The following FANCC variants were observed in gnomAD, a reference collection of about 807,000 sequenced individuals.
FANCC encodes FA complementation group C, also known as Fanconi anemia group C protein.
FANCC carries 55 observed loss-of-function variants against 71.3 expected under a neutral mutation model. The ratio of observed to expected loss-of-function variants is 0.77; its 90% CI spans 0.62 to 0.97. The LOEUF (loss-of-function observed/expected upper bound fraction) is 0.97, where lower values mean the gene tolerates loss of function less well. FANCC is among the 50% of genes least tolerant of loss of function. The pLI, the probability that FANCC is intolerant of heterozygous loss-of-function variation, is 0.00. For synonymous variants in FANCC, 275 were observed against 244.9 expected, an observed-to-expected ratio of 1.12 and a Z score of -1.15; for missense variants, 678 against 670.9, an observed-to-expected ratio of 1.01 and a Z score of -0.12.
chr9:95,194,437 A>C (rs1347935954), intron 4 of FANCC, among the ~76,000 whole-genome samples: 1 of 152,198 alleles, frequency 6.6e-6, no homozygotes, highest in African/African-American at 2.4e-5. Context: ...CCTTGGGTAC[A>C]AAACTATCCA....
intron 6 of FANCC, among the ~76,000 whole-genome samples, chr9:95,155,271 A>AAGGGGAGGGGAGGG (rs1830397830): frequency 2.0e-4 from 5 of 24,694 alleles, no homozygotes; most frequent in African/African-American, 5.5e-4. Flanking sequence ...GGAGGGGAGG[A>AAGGGGAGGGGAGGG]AAGGGGAGGG....
chr9:95,186,343 T>C (rs747036773), intron 4 of FANCC, among the ~76,000 whole-genome samples: 31 of 152,256 alleles, frequency 2.0e-4, no homozygotes, highest in Non-Finnish European at 3.7e-4. Flanking sequence ...GACCTGTGCA[T>C]TCCCGCCTTC....
intron 3 of FANCC, among the ~76,000 whole-genome samples, chr9:95,242,084 T>G (rs1830664417): frequency 6.6e-6 from 1 of 152,242 alleles, no homozygotes; most frequent in African/African-American, 2.4e-5. Flanking sequence ...AACCCATTTT[T>G]TTCCCTGTGA....
At chr9:95,243,008 A>G (rs1008404499) in intron 3 of FANCC, among the ~76,000 whole-genome samples, 4 of 152,370 alleles carry the variant, frequency 2.6e-5, no homozygotes, top group Non-Finnish European at 5.9e-5. Flanking sequence ...AAGGAAGATA[A>G]CAACATACAC....
chr9:95,217,557 A>T (rs356688), intron 4 of FANCC, among the ~76,000 whole-genome samples: 28,032 of 151,742 alleles, frequency 0.18, 2,746 homozygotes, highest in East Asian at 0.3. Context: ...AAATTAGTAA[A>T]TTTTTTTTAA....
intron 1 of FANCC, chr9:95,292,551 G>A (rs1834104299): frequency 3.4e-6 from 5 of 1,485,280 alleles, no homozygotes; most frequent in Non-Finnish European, 3.7e-6. Flanking sequence ...CCAGCAGTAG[G>A]TGAGCGAGCT....
chr9:95,246,148 G>A (rs114584225), intron 3 of FANCC, among the ~76,000 whole-genome samples: 179 of 152,316 alleles, frequency 1.2e-3, no homozygotes, highest in African/African-American at 3.9e-3. Flanking sequence ...ACAGGTAAGC[G>A]TGGTCCTGGT....
At chr9:95,153,459 C>T (rs1830292303) in intron 6 of FANCC, among the ~76,000 whole-genome samples, 1 of 152,100 alleles carries the variant, frequency 6.6e-6, no homozygotes, top group Admixed American at 6.5e-5. Flanking sequence ...ATTTATATTC[C>T]CACCAGCAGG....
At position 95,164,775 on chromosome 9, in the gene FANCC, G is replaced by A. The variant is rs1189593533; in HGVS notation, c.521+6304C>T. Among the ~76,000 whole-genome samples the A allele has an allele frequency of 5.3e-5, 8 of 152,144 alleles. No individual in the cohort carries two copies. In the South Asian group the frequency reaches 6.2e-4, roughly 12 times the overall value. On this transcript the variant is annotated intron_variant, in intron 6 of 14. Transcript: ENST00000289081. ...CATGTAGTTTCATTGCCTGATTTTCGTGTCAGGGTAATGCTTGCTCACAAA... is the reference window on the plus strand; with the variant it reads ...CATGTAGTTTCATTGCCTGATTTTCATGTCAGGGTAATGCTTGCTCACAAA...
At chr9:95,247,252 T>TAC (rs1831044007) in intron 3 of FANCC, among the ~76,000 whole-genome samples, 180 bp downstream of exon 3, 1 of 151,198 alleles carries the variant, frequency 6.6e-6, no homozygotes, top group African/African-American at 2.4e-5. Context: ...TATACAAACC[T>TAC]ACACACACAT....
chr9:95,186,781 G>A (rs1206288323), intron 4 of FANCC, among the ~76,000 whole-genome samples: 3 of 150,594 alleles, frequency 2.0e-5, no homozygotes, highest in Admixed American at 2.0e-4. Context: ...GCTGCGCTCG[G>A]ACTGTTGGAT....
intron 1 of FANCC, among the ~76,000 whole-genome samples, chr9:95,281,338 C>T (rs1403150578): frequency 6.6e-6 from 1 of 151,834 alleles, no homozygotes; most frequent in Non-Finnish European, 1.5e-5. Context: ...TACTAATATG[C>T]CTAACAAGAG....
chr9:95,233,527 G>A (rs1490473799), intron 4 of FANCC, among the ~76,000 whole-genome samples: 3 of 152,138 alleles, frequency 2.0e-5, no homozygotes, highest in Non-Finnish European at 1.5e-5. Flanking sequence ...TTTCTGCCAA[G>A]TACAAATCTG....
chr9:95,293,845 C>A, intron 1 of FANCC: 1 of 1,611,886 alleles, frequency 6.2e-7, no homozygotes, highest in South Asian at 1.1e-5. Context: ...CAAAGTCCAA[C>A]GGATGACCAT....
At chr9:95,266,961 G>A (rs1053143644) in intron 1 of FANCC, among the ~76,000 whole-genome samples, 1 of 152,098 alleles carries the variant, frequency 6.6e-6, no homozygotes, top group African/African-American at 2.4e-5. Flanking sequence ...ATACAGCAAT[G>A]AGAGGGGAAA....
At chr9:95,200,104 T>C (rs1357106603) in intron 4 of FANCC, among the ~76,000 whole-genome samples, 1 of 152,202 alleles carries the variant, frequency 6.6e-6, no homozygotes, top group African/African-American at 2.4e-5. Context: ...AGATTACAGA[T>C]GAATGCAAAC....
At chr9:95,252,648 A>C (rs997255235) in intron 1 of FANCC, among the ~76,000 whole-genome samples, 8 of 151,074 alleles carry the variant, frequency 5.3e-5, no homozygotes, top group Non-Finnish European at 1.2e-4. Context: ...CAGGAGGCTG[A>C]GGCAGGAGAA....
Position 95,249,264 on chromosome 9 carries a change from A to C in FANCC, c.28T>G (p.Cys10Gly), listed in dbSNP as rs147479204. The C allele has an allele frequency of 6.3e-5, 102 of 1,614,052 alleles. No individual in the cohort carries two copies. The highest frequency in any genetic ancestry group is 1.6e-4 in the Middle Eastern group (1 of 6,084). MAQDSVDLS[C>G]DYQFWMQKLS... The stretch of plus-strand genomic sequence containing the variant: ...TTCTGCATCCAAAACTGATAATCAC[A>C]AGAAAGATCTACTGAATCTTGAGCC... Residue 10 changes from cysteine to glycine, a missense_variant, in exon 2 of 15, where the codon TGT becomes GGT. Coordinates refer to ENST00000289081, the MANE Select transcript of FANCC (RefSeq NM_000136.3).
chr9:95,105,898 G>A (rs1048623572), intron 14 of FANCC, among the ~76,000 whole-genome samples: 3 of 152,156 alleles, frequency 2.0e-5, no homozygotes, highest in Admixed American at 6.5e-5. Context: ...GGCCATCTCT[G>A]CCTGCTGGCT....
Sources: gnomAD v4.1 joint callset for allele counts (sites outside exome capture counted in the v4.1 genomes callset) on GRCh38, gnomAD v4.1.1 for gene constraint, MANE v1.5 for transcripts, NCBI Gene and HGNC (gene_info 2026-07-23, HGNC 2026-07-21) for gene names.